The following MARCHF1 variants were observed in gnomAD, a reference collection of about 807,000 sequenced individuals.
MARCHF1 encodes the protein E3 ubiquitin-protein ligase MARCHF1.
Under a neutral mutation model 54.2 loss-of-function variants are expected in MARCHF1, and 40 were observed. The observed-to-expected ratio is 0.74, with a 90% CI of 0.57 to 0.96. The LOEUF (loss-of-function observed/expected upper bound fraction) is 0.96. MARCHF1 is among the 40% of genes least tolerant of loss of function. The pLI, the probability that MARCHF1 is intolerant of heterozygous loss-of-function variation, is 0.00. For missense variants in MARCHF1, 586 were observed against 656.5 expected (o/e 0.89, Z 1.17); for synonymous variants, 236 against 236.3 (o/e 1.00, Z 0.01).
Position 163,526,565 on chromosome 4 carries a change from G to T in MARCHF1, c.*2183C>A, listed in dbSNP as rs1370186853. 1 of 151,930 alleles carries T rather than the reference G, an allele frequency of 6.6e-6. No homozygotes were observed. Among genetic ancestry groups the T allele is most frequent in the Non-Finnish European group, 1.5e-5 (1 of 67,916 alleles). 9.4% of individuals were successfully genotyped at this position (151,930 alleles called of 1,614,324 possible). A position where few individuals can be genotyped will look rare whatever the true frequency, so the allele number is the denominator to read the frequency against. On this transcript the variant is annotated 3_prime_UTR_variant, in exon 10 of 10. Coordinates refer to ENST00000514618, the MANE Select transcript of MARCHF1 (RefSeq NM_001394959.1). ...TGGTGCCATGGTTAAATCACCCACA[G>T]ATTTGTTATTCATAAATGTATTTAT...
Position 164,352,223 on chromosome 4 carries a change from A to G in MARCHF1, c.-323+31647T>C, listed in dbSNP as rs538532347. Among the ~76,000 whole-genome samples the G allele has an allele frequency of 8.5e-5, 10 of 117,840 alleles. 1 individual carries two copies. In the East Asian group the frequency reaches 2.5e-3, roughly 29 times the overall value. The allele number at this position is 117,840 out of a possible 152,430, so 77.3% of individuals were successfully genotyped here. On this transcript the variant is annotated intron_variant, in intron 1 of 9. Transcript: ENST00000514618. ...TCCAGGAGAACTTCCCCAATCTAGC[A>G]AGGCAGGCCAATGTTCAGATTCAGG...
chr4:163,854,063 C>A lies in MARCHF1; in HGVS notation c.69G>T (p.Glu23Asp). The A allele has an allele frequency of 6.5e-7, 1 of 1,536,914 alleles. No individual in the cohort carries two copies. ...HRIPNNTRTPEISGDLADASQ... is the reference protein window; with the variant it reads ...HRIPNNTRTPDISGDLADASQ... The stretch of plus-strand genomic sequence containing the variant: ...AGGCGTCAGCCAAATCCCCTGAGAT[C>A]TCGGGTGTTCGCGTGTTGTTTGGAA... The change falls in exon 4 of 10, where the codon GAG (glutamate) becomes GAT (aspartate). Residue 23 changes from glutamate (E) to aspartate (D), a missense_variant. Glu to Asp is a conservative substitution (Grantham distance 45, BLOSUM62 2). Around this residue, in one of 3 missense-constraint regions of MARCHF1, gnomAD observed 387 missense variants for 394.6 expected, o/e 0.98. Transcript: ENST00000514618.
At chr4:163,895,067 ATGCATGTGATGCATATATATG>A (rs1479563009) in intron 3 of MARCHF1, among the ~76,000 whole-genome samples, 4 of 152,018 alleles carry the variant, frequency 2.6e-5, no homozygotes, top group South Asian at 2.1e-4. Flanking sequence ...ATGCATAAAT[ATGCATGTGATGCATATATATG>A]TGCATGTGAT....
intron 4 of MARCHF1, among the ~76,000 whole-genome samples, chr4:163,843,813 G>A (rs1195774112): frequency 1.3e-5 from 2 of 151,840 alleles, no homozygotes; most frequent in Non-Finnish European, 2.9e-5. Context: ...TTTAATAGTG[G>A]CCATTCTGGA....
chr4:164,027,564 T>C (rs1374914856), intron 2 of MARCHF1, among the ~76,000 whole-genome samples: 1 of 151,928 alleles, frequency 6.6e-6, no homozygotes, highest in African/African-American at 2.4e-5. Flanking sequence ...AGAATGAAAC[T>C]GTACCCCTAC....
chr4:164,271,128 C>T (rs149329526), intron 1 of MARCHF1, among the ~76,000 whole-genome samples: 2,515 of 152,208 alleles, frequency 0.017, 35 homozygotes, highest in Middle Eastern at 0.065. Context: ...ATGAAAGATG[C>T]TAGGCAAATA....
chr4:163,722,024 T>C (rs1328568612), intron 4 of MARCHF1, among the ~76,000 whole-genome samples: 1 of 152,154 alleles, frequency 6.6e-6, no homozygotes, highest in Admixed American at 6.5e-5. Context: ...TGTGTTTTTA[T>C]CTCCTTTAGT....
chr4:163,537,294 G>C (rs1738568188), intron 9 of MARCHF1, among the ~76,000 whole-genome samples: 1 of 152,096 alleles, frequency 6.6e-6, no homozygotes, highest in African/African-American at 2.4e-5. Flanking sequence ...TGTTAGACTA[G>C]TCAGTTTCTA....
At chr4:164,202,635 C>G (rs1200675248) in intron 1 of MARCHF1, among the ~76,000 whole-genome samples, 1 of 152,148 alleles carries the variant, frequency 6.6e-6, no homozygotes, top group African/African-American at 2.4e-5. Context: ...GTACTCAAAC[C>G]AGGATTTAAA....
intron 1 of MARCHF1, among the ~76,000 whole-genome samples, chr4:164,255,721 G>C (rs952740866): frequency 4.6e-5 from 7 of 152,052 alleles, no homozygotes; most frequent in African/African-American, 1.7e-4. Flanking sequence ...ACAATTGGGA[G>C]TTTTTATGTA....
At chr4:163,559,583 T>G (rs1739401690) in intron 8 of MARCHF1, among the ~76,000 whole-genome samples, 1 of 152,214 alleles carries the variant, frequency 6.6e-6, no homozygotes. Context: ...AAACATAGTT[T>G]AAATGACAGG....
At chr4:164,189,605 C>T in intron 1 of MARCHF1, 2 of 928,864 alleles carry the variant, frequency 2.2e-6, no homozygotes, top group Non-Finnish European at 3.6e-6. Context: ...GATCAAGATA[C>T]AGGTGACCTG....
chr4:163,656,968 T>C (rs1272588273), intron 5 of MARCHF1, among the ~76,000 whole-genome samples: 3 of 152,102 alleles, frequency 2.0e-5, no homozygotes, highest in Admixed American at 6.6e-5. Context: ...AGGCAAATGC[T>C]GGAAGCATTC....
chr4:163,899,851 G>T (rs1196368282), intron 3 of MARCHF1, among the ~76,000 whole-genome samples: 1 of 150,498 alleles, frequency 6.6e-6, no homozygotes, highest in African/African-American at 2.4e-5. Context: ...AGTGGGTTTT[G>T]CAGTACTCCA....
At chr4:163,540,002 C>T (rs1472508168) in intron 9 of MARCHF1, among the ~76,000 whole-genome samples, 1 of 152,138 alleles carries the variant, frequency 6.6e-6, no homozygotes, top group Non-Finnish European at 1.5e-5. Flanking sequence ...CCTGTAACAT[C>T]TCACTTTTGT....
At chr4:164,115,780 GA>G in intron 1 of MARCHF1, among the ~76,000 whole-genome samples, 1 of 152,062 alleles carries the variant, frequency 6.6e-6, no homozygotes, top group South Asian at 2.1e-4. Flanking sequence ...TTTTCCAGGA[GA>G]TGAAACAATA....
intron 4 of MARCHF1, among the ~76,000 whole-genome samples, chr4:163,777,278 G>A (rs1045809022): frequency 6.6e-6 from 1 of 152,136 alleles, no homozygotes; most frequent in Non-Finnish European, 1.5e-5. Flanking sequence ...AAGCTATTTT[G>A]CTAATGATGG....
At chr4:163,858,591 A>C (rs892785028) in intron 3 of MARCHF1, among the ~76,000 whole-genome samples, 1 of 152,230 alleles carries the variant, frequency 6.6e-6, no homozygotes, top group Admixed American at 6.5e-5. Context: ...TGTCATTAAG[A>C]AACATGTCTC....
intron 5 of MARCHF1, among the ~76,000 whole-genome samples, chr4:163,645,274 C>T (rs1270967813): frequency 1.3e-5 from 2 of 152,160 alleles, no homozygotes; most frequent in African/African-American, 4.8e-5. Flanking sequence ...CAACAGACCC[C>T]ATTGCAGTCT....
Sources: gnomAD v4.1 joint callset for allele counts (sites outside exome capture counted in the v4.1 genomes callset) on GRCh38, gnomAD v4.1.1 for gene constraint, gnomAD v4.1.1 regional missense constraint, MANE v1.5 for transcripts, NCBI Gene and HGNC (gene_info 2026-07-23, HGNC 2026-07-21) for gene names.